Variants in RIMS2 observed in about 807,000 individuals in gnomAD.
RIMS2 encodes regulating synaptic membrane exocytosis 2.
Under a neutral mutation model 174.4 loss-of-function variants are expected in RIMS2, and 59 were observed. The ratio of observed to expected loss-of-function variants is 0.34; its 90% CI spans 0.27 to 0.42. The LOEUF is 0.42. Among genes scored for constraint, RIMS2 ranks in the 10% least tolerant of loss-of-function variants. RIMS2 has a pLI of 1.00. For synonymous variants in RIMS2, 606 were observed against 572.5 expected (o/e 1.06, Z -0.84); for missense variants, 1,620 against 1,666.3 (o/e 0.97, Z 0.48).
intron 19 of RIMS2, among the ~76,000 whole-genome samples, chr8:104,019,427 T>C (rs977326267): frequency 1.3e-5 from 2 of 152,170 alleles, no homozygotes; most frequent in Non-Finnish European, 2.9e-5. Flanking sequence ...TGCCTTTTTT[T>C]CCTCTGGTTT....
intron 3 of RIMS2, among the ~76,000 whole-genome samples, chr8:103,852,560 C>T (rs2099004976): frequency 6.6e-6 from 1 of 151,708 alleles, no homozygotes; most frequent in Non-Finnish European, 1.5e-5. Context: ...TCGCTCTCTC[C>T]CTCCCGCCTC....
chr8:104,181,506 A>G (rs931243347), intron 19 of RIMS2, among the ~76,000 whole-genome samples: 2 of 151,726 alleles, frequency 1.3e-5, no homozygotes, highest in South Asian at 4.1e-4. Flanking sequence ...TATGTATCCC[A>G]AACTTAAACT....
intron 1 of RIMS2, among the ~76,000 whole-genome samples, chr8:103,606,589 T>G (rs1307587004): frequency 6.6e-6 from 1 of 152,146 alleles, no homozygotes; most frequent in East Asian, 1.9e-4. Flanking sequence ...CTGTCTAATA[T>G]TGACAGTGGG....
intron 2 of RIMS2, among the ~76,000 whole-genome samples, chr8:103,711,304 G>T (rs2097300474): frequency 6.6e-6 from 1 of 152,194 alleles, no homozygotes; most frequent in African/African-American, 2.4e-5. Flanking sequence ...GCAAAGCAAT[G>T]AGAAGGTTTG....
chr8:103,889,729 C>G (rs1203948919), intron 4 of RIMS2, among the ~76,000 whole-genome samples: 1 of 151,672 alleles, frequency 6.6e-6, no homozygotes, highest in Non-Finnish European at 1.5e-5. Context: ...TTTGGCTCGT[C>G]TCTTACTTGT....
At chr8:103,520,563 G>C (rs1831169182) in intron 1 of RIMS2, among the ~76,000 whole-genome samples, 1 of 152,038 alleles carries the variant, frequency 6.6e-6, no homozygotes, top group Admixed American at 6.6e-5. Flanking sequence ...TTTGCTCTTT[G>C]CTTGCCATTA....
Position 104,156,871 on chromosome 8 carries a change from A to G in RIMS2, c.3335-88045A>G, listed in dbSNP as rs375462984. Among the ~76,000 whole-genome samples the G allele has an allele frequency of 7.9e-5, 12 of 152,196 alleles. No individual in the cohort carries two copies. In the East Asian group the frequency reaches 1.7e-3, roughly 22 times the overall value. On this transcript the variant is annotated intron_variant, in intron 19 of 23. Coordinates refer to ENST00000504942, the Ensembl canonical transcript of RIMS2. ...AGGCATACAGAAAGTGACTTGATGT[A>G]TGCCCTATTAATACACAAGCGTACA...
At chr8:104,195,992 G>C (rs555157509) in intron 19 of RIMS2, among the ~76,000 whole-genome samples, 1 of 152,204 alleles carries the variant, frequency 6.6e-6, no homozygotes, top group African/African-American at 2.4e-5. Context: ...TTTAAATATT[G>C]AGAAGATTTC....
chr8:103,531,041 C>T (rs1218132748), intron 1 of RIMS2, among the ~76,000 whole-genome samples: 1 of 150,718 alleles, frequency 6.6e-6, no homozygotes, highest in Non-Finnish European at 1.5e-5. Flanking sequence ...GAAACGTTAA[C>T]ACATAGGCAA....
rs1257918385 is a variant in RIMS2, at chr8:104,144,601, T to C, written c.3335-100315T>C. ...AGATAAACTTTTTTTAAAACATAGCTATCAACCAGAAAAAATTAAAATGAC... is the reference window on the plus strand; with the variant it reads ...AGATAAACTTTTTTTAAAACATAGCCATCAACCAGAAAAAATTAAAATGAC... On this transcript the variant is annotated intron_variant, in intron 19 of 23. Coordinates refer to ENST00000504942, the Ensembl canonical transcript of RIMS2. Among the ~76,000 whole-genome samples the C allele has an allele frequency of 3.9e-5, 6 of 152,304 alleles. No homozygotes were observed. The East Asian group carries it at 1.2e-3, about 29-fold the overall frequency.
intron 3 of RIMS2, among the ~76,000 whole-genome samples, chr8:103,836,185 G>A (rs547799968): frequency 1.3e-5 from 2 of 152,270 alleles, no homozygotes; most frequent in South Asian, 2.1e-4. Context: ...ACTCGTGTCC[G>A]TCACAGTATA....
intron 19 of RIMS2, among the ~76,000 whole-genome samples, chr8:104,188,900 G>A (rs1423881693): frequency 1.3e-5 from 2 of 151,802 alleles, no homozygotes; most frequent in East Asian, 3.9e-4. Context: ...TATGGACTGG[G>A]ACTGCTAGTG....
At chr8:104,041,381 G>A (rs985387375) in intron 19 of RIMS2, 23 bp downstream of exon 22, 3 of 681,798 alleles carry the variant, frequency 4.4e-6, no homozygotes, top group African/African-American at 3.5e-5. Context: ...TGCTTTTTTT[G>A]TTATTATTTT....
chr8:103,884,435 A>G (rs796646903), intron 3 of RIMS2, among the ~76,000 whole-genome samples: 1 of 151,942 alleles, frequency 6.6e-6, no homozygotes, highest in African/African-American at 2.4e-5. Context: ...TCCAGAGAAA[A>G]GGTTAGTGTG....
intron 3 of RIMS2, among the ~76,000 whole-genome samples, chr8:103,814,418 A>G (rs907894337): frequency 6.6e-6 from 1 of 152,096 alleles, no homozygotes; most frequent in Non-Finnish European, 1.5e-5. Flanking sequence ...AAAAGTTAAA[A>G]AAACTAAAAA....
intron 1 of RIMS2, among the ~76,000 whole-genome samples, chr8:103,669,983 A>C (rs2096724842): frequency 6.6e-6 from 1 of 152,210 alleles, no homozygotes; most frequent in Non-Finnish European, 1.5e-5. Context: ...TCCCTTCTGC[A>C]CTGCCATAGT....
intron 3 of RIMS2, among the ~76,000 whole-genome samples, chr8:103,807,650 A>G (rs1375661929): frequency 6.6e-6 from 1 of 152,192 alleles, no homozygotes; most frequent in Non-Finnish European, 1.5e-5. Flanking sequence ...CATTACAAGT[A>G]TCATTGGAAC....
chr8:103,582,516 G>A (rs1269883001), intron 1 of RIMS2, among the ~76,000 whole-genome samples: 1 of 152,170 alleles, frequency 6.6e-6, no homozygotes, highest in Non-Finnish European at 1.5e-5. Context: ...TTGACTCTTA[G>A]ATGGTATTTC....
intron 2 of RIMS2, among the ~76,000 whole-genome samples, chr8:103,730,466 A>G (rs932919343): frequency 2.0e-5 from 3 of 152,098 alleles, no homozygotes; most frequent in Admixed American, 6.5e-5. Context: ...AATTATAGCT[A>G]ACTTGTACAC....
Sources: allele counts gnomAD v4.1 joint callset (sites outside exome capture counted in the v4.1 genomes callset), GRCh38; gene constraint gnomAD v4.1.1; transcripts MANE v1.5; gene names NCBI Gene and HGNC (gene_info 2026-07-23, HGNC 2026-07-21).